Variants in CERS3 observed in about 807,000 individuals in gnomAD.
CERS3 encodes the protein LAG1 homolog, ceramide synthase 3.
CERS3 carries 33 observed loss-of-function variants against 50.3 expected under a neutral mutation model. That is an observed-to-expected ratio of 0.66 (90% CI 0.50 to 0.88). The LOEUF (loss-of-function observed/expected upper bound fraction) is 0.88, where lower values mean the gene tolerates loss of function less well. CERS3 is among the 40% of genes least tolerant of loss of function. The pLI, the probability that CERS3 is intolerant of heterozygous loss-of-function variation, is 0.00. For synonymous variants in CERS3, 176 were observed against 155.2 expected (o/e 1.13, Z -0.99); for missense variants, 470 against 460.3 (o/e 1.02, Z -0.19).
intron 11 of CERS3, among the ~76,000 whole-genome samples, chr15:100,446,287 C>G (rs2033936705): frequency 6.6e-6 from 1 of 150,738 alleles, no homozygotes; most frequent in Non-Finnish European, 1.5e-5. Context: ...TTTTTTGGCA[C>G]CACAACTTTA....
intron 7 of CERS3, among the ~76,000 whole-genome samples, chr15:100,478,717 T>C (rs1034066445): frequency 1.3e-5 from 2 of 151,878 alleles, no homozygotes; most frequent in Admixed American, 1.3e-4. Context: ...AGCAAAAATA[T>C]CCTTTAAAAG....
intron 2 of CERS3, among the ~76,000 whole-genome samples, chr15:100,514,959 A>T (rs2142369306): frequency 6.6e-6 from 1 of 152,336 alleles, no homozygotes; most frequent in South Asian, 2.1e-4. Context: ...TCTAAAAATC[A>T]TGCAACATCT....
intron 10 of CERS3, among the ~76,000 whole-genome samples, chr15:100,467,240 A>G (rs2034776770): frequency 6.6e-6 from 1 of 152,042 alleles, no homozygotes; most frequent in South Asian, 2.1e-4. Flanking sequence ...GTAACCACAC[A>G]AGAGACCCTA....
At chr15:100,531,821 TA>T (rs1411492434), upstream of CERS3, among the ~76,000 whole-genome samples, 1 of 152,224 alleles carries the variant, frequency 6.6e-6, no homozygotes, top group Non-Finnish European at 1.5e-5. Context: ...TAATAGATAT[TA>T]AATCACTTAT....
At chr15:100,526,880 C>G (rs2036810798) in intron 1 of CERS3, among the ~76,000 whole-genome samples, 1 of 152,126 alleles carries the variant, frequency 6.6e-6, no homozygotes, top group Non-Finnish European at 1.5e-5. Context: ...AGGGCCTACC[C>G]TCTGTCAGGT....
At chr15:100,514,420 G>T (rs1210056898) in intron 2 of CERS3, among the ~76,000 whole-genome samples, 1 of 152,072 alleles carries the variant, frequency 6.6e-6, no homozygotes, top group Non-Finnish European at 1.5e-5. Context: ...CAACACAAAT[G>T]ATACTATCCT....
chr15:100,425,889 A>T, intron 11 of CERS3: 1 of 138,932 alleles, frequency 7.2e-6, no homozygotes, highest in South Asian at 2.5e-4. Flanking sequence ...AAGGGGGTGG[A>T]TTTACCCCTT....
chr15:100,469,568 C>G (rs960584445), intron 9 of CERS3, 84 bp from the exon 10 acceptor site: 1 of 955,710 alleles, frequency 1.0e-6, no homozygotes, highest in African/African-American at 1.7e-5. Flanking sequence ...GATATGAGGT[C>G]TGGGATTTGC....
At chr15:100,473,125 A>C in intron 8 of CERS3, 73 bp from the exon 9 acceptor site, 1 of 1,451,990 alleles carries the variant, frequency 6.9e-7, no homozygotes, top group Non-Finnish European at 9.3e-7. Context: ...AGATAATCAT[A>C]ATAATAATGA....
At chr15:100,476,048 A>G (rs1323266959) in intron 8 of CERS3, 38 bp downstream of exon 8, 3 of 1,420,612 alleles carry the variant, frequency 2.1e-6, no homozygotes, top group Middle Eastern at 1.8e-4. Flanking sequence ...CAATTTTTGA[A>G]GAAATTGATA....
intron 10 of CERS3, among the ~76,000 whole-genome samples, chr15:100,461,037 T>A (rs1596700673): frequency 6.6e-6 from 1 of 151,774 alleles, no homozygotes. Context: ...GTGGGAGAGG[T>A]GAAGAAGCCA....
intron 11 of CERS3, among the ~76,000 whole-genome samples, chr15:100,413,162 T>G (rs139391598): frequency 3.9e-5 from 6 of 152,222 alleles, no homozygotes; most frequent in Non-Finnish European, 8.8e-5. Context: ...GTTTAACATA[T>G]TCTCCAAATT....
chr15:100,442,803 C>T (rs867645638), intron 11 of CERS3, among the ~76,000 whole-genome samples: 902 of 152,012 alleles, frequency 5.9e-3, no homozygotes, highest in Middle Eastern at 0.014. Flanking sequence ...TAGACCATCA[C>T]GGACGCCGAG....
At chr15:100,532,291 A>C (rs1451956142), upstream of CERS3, among the ~76,000 whole-genome samples, 1 of 152,214 alleles carries the variant, frequency 6.6e-6, no homozygotes, top group East Asian at 1.9e-4. Flanking sequence ...CTTTTCCCTC[A>C]AAGGAAGGAA....
intron 11 of CERS3, among the ~76,000 whole-genome samples, chr15:100,404,042 G>A (rs2030781955): frequency 6.6e-6 from 1 of 152,218 alleles, no homozygotes; most frequent in African/African-American, 2.4e-5. Flanking sequence ...ACACACAGAA[G>A]AGAGGCAATG....
chr15:100,481,663 T>G (rs546892339), intron 5 of CERS3, among the ~76,000 whole-genome samples: 1 of 152,376 alleles, frequency 6.6e-6, no homozygotes, highest in South Asian at 2.1e-4. Flanking sequence ...AATTAGTCCC[T>G]TCTTACAGAC....
chr15:100,483,685 A>T (rs2035384129), intron 5 of CERS3, among the ~76,000 whole-genome samples: 1 of 151,892 alleles, frequency 6.6e-6, no homozygotes, highest in South Asian at 2.1e-4. Flanking sequence ...CCCTTAAACT[A>T]GATGGATGTG....
chr15:100,482,126 G>T (rs1408018583), intron 5 of CERS3, among the ~76,000 whole-genome samples: 1 of 152,226 alleles, frequency 6.6e-6, no homozygotes, highest in Non-Finnish European at 1.5e-5. Flanking sequence ...AAAAGTTGGA[G>T]AATTGCTGCA....
At chr15:100,524,134 C>A (rs567488331) in intron 1 of CERS3, among the ~76,000 whole-genome samples, 1 of 151,926 alleles carries the variant, frequency 6.6e-6, no homozygotes, top group Non-Finnish European at 1.5e-5. Flanking sequence ...TATTGAGAAC[C>A]ACTACCAGTA....
Sources: allele counts gnomAD v4.1 joint callset (sites outside exome capture counted in the v4.1 genomes callset), GRCh38; gene constraint gnomAD v4.1.1; transcripts MANE v1.5; gene names NCBI Gene and HGNC (gene_info 2026-07-23, HGNC 2026-07-21).